The following HERC6 variants were observed in gnomAD, a reference collection of about 807,000 sequenced individuals.
HERC6 encodes probable E3 ubiquitin-protein ligase HERC6.
A neutral mutation model predicts 114.5 loss-of-function variants in HERC6; 101 were observed. That is an observed-to-expected ratio of 0.88 (90% CI 0.75 to 1.04). The LOEUF is 1.04. Ranked by LOEUF, HERC6 falls within the 50% of genes least tolerant of loss-of-function variation. The pLI, the probability that HERC6 is intolerant of heterozygous loss-of-function variation, is 0.00. For synonymous variants in HERC6, 408 were observed against 436.2 expected, an observed-to-expected ratio of 0.94 and a Z score of 0.81; for missense variants, 1,133 against 1,230.9, an observed-to-expected ratio of 0.92 and a Z score of 1.19.
Position 88,428,568 on chromosome 4 carries a change from T to C in HERC6, c.1936-12T>C. 6.4e-7 allele frequency: 1 copy of C among 1,564,992 alleles called. No homozygotes were observed. The highest frequency in any genetic ancestry group is 1.4e-5 in the African/African-American group (1 of 72,610). On this transcript the variant is annotated splice_polypyrimidine_tract_variant and intron_variant, in intron 15 of 22. Transcript: ENST00000264346. The stretch of plus-strand genomic sequence containing the variant: ...CAAAAGGAGAAGCCAACTAAAAAAT[T>C]TATTTTTCCAGATGTCAGAAAAGAA...
At chr4:88,398,385 C>A in intron 8 of HERC6, 176 bp downstream of exon 8, 1 of 426,544 alleles carries the variant, frequency 2.3e-6, no homozygotes, top group Admixed American at 4.4e-5. Context: ...TATTTGTCAA[C>A]TTTCCTAACA....
chr4:88,431,869 C>A (rs781096642), intron 17 of HERC6, among the ~76,000 whole-genome samples: 2 of 152,214 alleles, frequency 1.3e-5, no homozygotes, highest in African/African-American at 2.4e-5. Context: ...TGAGCCACCA[C>A]GCTCAGCTGA....
Position 88,378,963 on chromosome 4 carries a change from C to T in HERC6, c.42C>T (p.Arg14=), listed in dbSNP as rs1480011855. 2 of 1,594,024 alleles carry T rather than the reference C, an allele frequency of 1.3e-6. No individual in the cohort carries two copies. The highest frequency in any genetic ancestry group is 1.3e-5 in the African/African-American group (1 of 74,726). ...CWGADSRELQ[R]RRTAGSPGAE... is the part of the protein sequence containing the mutation. ...GCGCCGACTCCAGGGAGCTGCAGCG[C>T]CGGAGGACGGCGGGCAGCCCCGGGG... The change falls in exon 1 of 23, where the codon CGC becomes CGT. Residue 14 remains arginine, a synonymous_variant. Transcript: ENST00000264346.
At chr4:88,404,740 C>A in intron 8 of HERC6, 136 bp from the exon 9 acceptor site, 1 of 1,141,820 alleles carries the variant, frequency 8.8e-7, no homozygotes, top group Non-Finnish European at 1.2e-6. Context: ...CGGTCTGACG[C>A]CAAAGCTCCT....
Position 88,400,127 on chromosome 4 carries a change from G to A in HERC6, c.1092+1918G>A, listed in dbSNP as rs116803450. Reference sequence around the variant, plus strand: ...ACCCATCTGAAATGTGCTTGGAAAGGAGACCTAGAGACTGGCCAAACAAGC... The same window carrying A: ...ACCCATCTGAAATGTGCTTGGAAAGAAGACCTAGAGACTGGCCAAACAAGC... On this transcript the variant is annotated intron_variant, in intron 8 of 22. Transcript: ENST00000264346. Among the ~76,000 whole-genome samples the A allele has an allele frequency of 1.6e-3, 249 of 152,328 alleles. 1 individual carries two copies. Among genetic ancestry groups the A allele is most frequent in the Middle Eastern group, 3.4e-3 (1 of 294 alleles).
rs867010249 is a variant in HERC6, at chr4:88,442,369, AG to A, written c.2979del (p.Lys993AsnfsTer14). 6 of 1,613,924 alleles carry A rather than the reference AG, an allele frequency of 3.7e-6. No individual in the cohort carries two copies. Among genetic ancestry groups the A allele is most frequent in the Non-Finnish European group, 5.1e-6 (6 of 1,179,872 alleles). On this transcript the variant is annotated frameshift_variant, in exon 23 of 23. Coordinates refer to ENST00000264346, the MANE Select transcript of HERC6 (RefSeq NM_017912.4). LOFTEE classifies it low-confidence loss of function (END_TRUNC). ...TGTCATAATATTCTCTCCCTCCCTA[AG>A]TATTCTACAATGGAAAGAATGGAGG... is the stretch of plus-strand genomic sequence containing the variant. ...ITCHNILSLP[K>X]YSTMERMEEA...
chr4:88,429,036 G>T (rs1468236479), intron 16 of HERC6, among the ~76,000 whole-genome samples: 2 of 152,246 alleles, frequency 1.3e-5, no homozygotes, highest in Non-Finnish European at 2.9e-5. Flanking sequence ...CAGATCTGCA[G>T]TTCAGTGGAG....
At chr4:88,428,377 A>G (rs1335481252) in intron 15 of HERC6, among the ~76,000 whole-genome samples, 1 of 152,214 alleles carries the variant, frequency 6.6e-6, no homozygotes, top group Non-Finnish European at 1.5e-5. Flanking sequence ...CTAGGTAACC[A>G]TAGTTTCTTT....
At chr4:88,410,814 A>C (rs541038134) in intron 11 of HERC6, among the ~76,000 whole-genome samples, 1 of 152,320 alleles carries the variant, frequency 6.6e-6, no homozygotes, top group East Asian at 1.9e-4. Flanking sequence ...CTATGGGAAG[A>C]ACAAATGGGA....
rs762847503 is a variant in HERC6, at chr4:88,415,939, GTGGTGA to G, written c.1559-1484_1559-1479del. Among the ~76,000 whole-genome samples, 7 of 152,332 alleles carry G rather than the reference GTGGTGA, an allele frequency of 4.6e-5. No homozygotes were observed. In the East Asian group the frequency reaches 5.8e-4, roughly 13 times the overall value. On this transcript the variant is annotated intron_variant, in intron 12 of 22. Transcript: ENST00000264346. ...CTGGACACAGGTGATGGCCTAAAGT[GTGGTGA>G]TCACTGATTGGTTGAGAAGTGAGGG...
Position 88,413,958 on chromosome 4 carries a change from C to T in HERC6, c.1558+692C>T, listed in dbSNP as rs544684754. Among the ~76,000 whole-genome samples, 3 of 152,290 alleles carry T rather than the reference C, an allele frequency of 2.0e-5. No individual in the cohort carries two copies. In the South Asian group the frequency reaches 6.2e-4, roughly 32 times the overall value. On this transcript the variant is annotated intron_variant, in intron 12 of 22. Coordinates refer to ENST00000264346, the MANE Select transcript of HERC6 (RefSeq NM_017912.4). ...GAAAAAATACATCTAGGTGTGGTTA[C>T]ATTCCTCAGTCGTCTTGTCTGTGAC...
chr4:88,380,346 T>A lies in HERC6; in HGVS notation c.199+1226T>A, dbSNP rs371964990. On this transcript the variant is annotated intron_variant, in intron 1 of 22. Coordinates refer to ENST00000264346, the MANE Select transcript of HERC6 (RefSeq NM_017912.4). ...TATATATAATATATAAATATATATA[T>A]AATATAAATATATATATAATATATA... Among the ~76,000 whole-genome samples the A allele has an allele frequency of 4.1e-4, 5 of 12,228 alleles. 1 individual carries two copies. The South Asian group carries it at 6.3e-3, about 15-fold the overall frequency. 8.0% of individuals were successfully genotyped at this position (12,228 alleles called of 152,430 possible).
chr4:88,441,352 T>A (rs1739334368), intron 22 of HERC6, among the ~76,000 whole-genome samples: 1 of 152,240 alleles, frequency 6.6e-6, no homozygotes. Context: ...ACCTTTTTCC[T>A]AACAGCAACC....
intron 8 of HERC6, chr4:88,398,902 A>G (rs1735400334): frequency 6.6e-6 from 1 of 152,210 alleles, no homozygotes; most frequent in Admixed American, 6.5e-5. Context: ...GGAGTCTCAG[A>G]GAGGTGAATT....
intron 5 of HERC6, among the ~76,000 whole-genome samples, chr4:88,394,293 T>C (rs1735091137): frequency 6.6e-6 from 1 of 151,570 alleles, no homozygotes; most frequent in South Asian, 2.1e-4. Flanking sequence ...GCCAACATAG[T>C]GAAATCCCAT....
intron 1 of HERC6, among the ~76,000 whole-genome samples, chr4:88,380,951 T>C (rs532188456): frequency 2.0e-5 from 3 of 152,196 alleles, no homozygotes; most frequent in African/African-American, 7.2e-5. Flanking sequence ...CTCTGTACAT[T>C]GTGTTTTCAT....
intron 16 of HERC6, among the ~76,000 whole-genome samples, chr4:88,430,703 T>C (rs1738109210): frequency 6.6e-6 from 1 of 152,178 alleles, no homozygotes; most frequent in Non-Finnish European, 1.5e-5. Flanking sequence ...CCAGGCAGAC[T>C]GGGAGGGCTG....
At position 88,404,894 on chromosome 4, in the gene HERC6, G is replaced by T. The variant is rs575702400; in HGVS notation, c.1111G>T (p.Ala371Ser). ...TTHQDTSSTR[A>S]PGKTLPEISR... is the part of the protein sequence containing the mutation. The stretch of plus-strand genomic sequence containing the variant: ...CCTGAAGGATACTAGTTCCACACGT[G>T]CTCCCGGGAAAACCCTGCCAGAAAT... Residue 371 changes from alanine (A) to serine (S), a missense_variant, in exon 9 of 23, where the codon GCT becomes TCT. This residue lies in a region of HERC6 where 735 missense variants were observed against 754.0 expected (regional missense o/e 0.97). Coordinates refer to ENST00000264346, the MANE Select transcript of HERC6 (RefSeq NM_017912.4). The T allele has an allele frequency of 6.2e-7, 1 of 1,613,602 alleles. No homozygotes were observed. The highest frequency in any genetic ancestry group is 1.7e-5 in the Admixed American group (1 of 60,008).
chr4:88,432,554 C>T (rs1738336016), intron 17 of HERC6, among the ~76,000 whole-genome samples: 1 of 151,988 alleles, frequency 6.6e-6, no homozygotes, highest in Admixed American at 6.6e-5. Flanking sequence ...CCTGGCGAAA[C>T]ACTGTCTCTA....
Sources: allele counts gnomAD v4.1 joint callset (sites outside exome capture counted in the v4.1 genomes callset), GRCh38; gene constraint gnomAD v4.1.1; regional missense constraint gnomAD v4.1.1; transcripts MANE v1.5; gene names NCBI Gene and HGNC (gene_info 2026-07-23, HGNC 2026-07-21).